Variants in PRDM15 observed in about 807,000 individuals in gnomAD.
PRDM15 encodes PR/SET domain 15.
A neutral mutation model predicts 128.6 loss-of-function variants in PRDM15; 64 were observed. The observed-to-expected ratio is 0.50, with a 90% CI of 0.41 to 0.61. The LOEUF is 0.61. Ranked by LOEUF, PRDM15 falls within the 20% of genes least tolerant of loss-of-function variation. The pLI, the probability that PRDM15 is intolerant of heterozygous loss-of-function variation, is 0.00. For missense variants in PRDM15, 1,242 were observed against 1,569.1 expected (o/e 0.79, Z 3.52); for synonymous variants, 615 against 621.8 (o/e 0.99, Z 0.16).
rs368796198 is a variant in PRDM15, at chr21:41,827,957, CA to C, written c.1534+208del. 5.3e-3 allele frequency among the ~76,000 whole-genome samples: 805 copies of C among 152,318 alleles called. 5 individuals are homozygous for C. The highest frequency in any genetic ancestry group is 0.034 in the Middle Eastern group (10 of 294). On this transcript the variant is annotated intron_variant, in intron 12 of 23. Coordinates refer to ENST00000398548, the MANE Select transcript of PRDM15 (RefSeq NM_001040424.3). ...TCCAGCTGTTTCTCCTTGCGCACAG[CA>C]GGTCTGACACCTGTGTCTCAGCAAC...
chr21:41,829,282 ACAC>A (rs1250778221), intron 11 of PRDM15, among the ~76,000 whole-genome samples: 3,190 of 151,030 alleles, frequency 0.021, 110 homozygotes, highest in African/African-American at 0.073. Flanking sequence ...CACATGCCCC[ACAC>A]AAATACACAA....
chr21:41,817,072 T>C (rs902826941), intron 18 of PRDM15, among the ~76,000 whole-genome samples: 1 of 152,176 alleles, frequency 6.6e-6, no homozygotes, highest in African/African-American at 2.4e-5. Context: ...ACAGCCAGCA[T>C]TGGTGACAGT....
intron 5 of PRDM15, among the ~76,000 whole-genome samples, chr21:41,853,242 T>C (rs1031571728): frequency 6.6e-6 from 1 of 152,222 alleles, no homozygotes. Context: ...CCAGGGGCAT[T>C]TTACAAAGCC....
Position 41,821,758 on chromosome 21 carries a change from G to A in PRDM15, c.1896+145C>T, listed in dbSNP as rs1372274169. On this transcript the variant is annotated intron_variant, in intron 15 of 23. Coordinates refer to ENST00000398548, the MANE Select transcript of PRDM15 (RefSeq NM_001040424.3). This position sits in a 1 kb window ranked among gnomAD's most constrained non-coding sequence, Gnocchi z 5.4. The stretch of plus-strand genomic sequence containing the variant: ...CAAGTGATGGACAGGCACCCAGTCT[G>A]CAGTAGGACCACTGGCCGGAGCCTT... 16 of 957,510 alleles carry A rather than the reference G, an allele frequency of 1.7e-5. 1 individual carries two copies. The highest frequency in any genetic ancestry group is 2.5e-5 in the Non-Finnish European group (16 of 630,596). 59.3% of individuals were successfully genotyped at this position (957,510 alleles called of 1,614,324 possible). A position where few individuals can be genotyped will look rare whatever the true frequency, so the allele number is the denominator to read the frequency against.
chr21:41,806,590 CCACCATTACTA>C (rs2061667468), intron 21 of PRDM15, among the ~76,000 whole-genome samples: 2 of 3,836 alleles, frequency 5.2e-4, no homozygotes, highest in Admixed American at 3.0e-3. Context: ...ATCACCACCA[CCACCATTACTA>C]CCACCACCAT....
chr21:41,817,438 G>C (rs1295967953), intron 18 of PRDM15, among the ~76,000 whole-genome samples: 2 of 152,142 alleles, frequency 1.3e-5, no homozygotes, highest in East Asian at 3.8e-4. Flanking sequence ...CTGGTGACAG[G>C]CTCTCACGAC....
At chr21:41,861,175 C>T (rs1370209528) in intron 1 of PRDM15, among the ~76,000 whole-genome samples, 2 of 152,132 alleles carry the variant, frequency 1.3e-5, no homozygotes, top group Non-Finnish European at 2.9e-5. Flanking sequence ...CTTTTTTTCC[C>T]CTCACTCCTA....
At chr21:41,830,086 C>T in intron 11 of PRDM15, among the ~76,000 whole-genome samples, 1 of 151,050 alleles carries the variant, frequency 6.6e-6, no homozygotes, top group African/African-American at 2.4e-5. Flanking sequence ...CACATACATA[C>T]TCAACATACA....
chr21:41,868,707 T>TTC (rs2064105947), intron 1 of PRDM15, among the ~76,000 whole-genome samples: 1 of 149,930 alleles, frequency 6.7e-6, no homozygotes. Context: ...TTTTTTTTTT[T>TTC]TTTGAGATGG....
intron 14 of PRDM15, among the ~76,000 whole-genome samples, chr21:41,822,489 G>A (rs893325358): frequency 1.3e-5 from 2 of 152,394 alleles, no homozygotes; most frequent in East Asian, 1.9e-4. Flanking sequence ...GCACCGGGCT[G>A]AGAAGCAGCC....
chr21:41,872,681 T>C (rs563864794), intron 1 of PRDM15, among the ~76,000 whole-genome samples: 1 of 152,202 alleles, frequency 6.6e-6, no homozygotes, highest in Non-Finnish European at 1.5e-5. Flanking sequence ...CAACATGCTG[T>C]GCACACATTT....
At chr21:41,861,895 G>A in intron 1 of PRDM15, 1 of 1,603,444 alleles carries the variant, frequency 6.2e-7, no homozygotes, top group Non-Finnish European at 8.5e-7. Context: ...TCCCAAAACA[G>A]CACTGTATCT....
At position 41,879,239 on chromosome 21, in the gene PRDM15, C is replaced by CGCACGCCG; in HGVS notation, c.-10+30_-10+31insCGGCGTGC. ...GGGGCCGGCGGGGCGCACGCCGGGG[C>CGCACGCCG]GGGCGGCGGGCGCAGGGCCCGGAGC... On this transcript the variant is annotated intron_variant, in intron 1 of 23. Transcript: ENST00000398548. The surrounding 1 kb of genome is among the most constrained non-coding windows in gnomAD (Gnocchi z 5.1). 1 of 860,176 alleles carries CGCACGCCG rather than the reference C, an allele frequency of 1.2e-6. No homozygotes were observed. Among genetic ancestry groups the CGCACGCCG allele is most frequent in the Non-Finnish European group, 1.4e-6 (1 of 715,422 alleles). The allele number at this position is 860,176 out of a possible 1,614,324, so 53.3% of individuals were successfully genotyped here. A position where few individuals can be genotyped will look rare whatever the true frequency, so the allele number is the denominator to read the frequency against.
At chr21:41,809,257 G>A (rs1171762045) in intron 21 of PRDM15, among the ~76,000 whole-genome samples, 3 of 146,494 alleles carry the variant, frequency 2.0e-5, no homozygotes. Context: ...TTTTGAGATG[G>A]AATCTCGTTC....
chr21:41,841,770 A>C (rs1311452803), intron 6 of PRDM15, among the ~76,000 whole-genome samples: 1 of 152,240 alleles, frequency 6.6e-6, no homozygotes, highest in Non-Finnish European at 1.5e-5. Flanking sequence ...TGTGTGCTTC[A>C]AATCTGTATC....
At chr21:41,830,372 CAT>C (rs1369643403) in intron 11 of PRDM15, among the ~76,000 whole-genome samples, 1 of 148,414 alleles carries the variant, frequency 6.7e-6, no homozygotes, top group Non-Finnish European at 1.5e-5. Flanking sequence ...CATACAAACA[CAT>C]ACGCTCAGCA....
rs116665867 is a variant in PRDM15, at chr21:41,869,420, C to T, written c.-9-9048G>A. Among the ~76,000 whole-genome samples, 273 of 151,344 alleles carry T rather than the reference C, an allele frequency of 1.8e-3. 1 individual carries two copies. Among genetic ancestry groups the T allele is most frequent in the African/African-American group, 6.3e-3 (262 of 41,318 alleles). On this transcript the variant is annotated intron_variant, in intron 1 of 23. Transcript: ENST00000398548. Reference sequence around the variant, plus strand: ...CTCAGCCTTCCGAGTTGTTAGACTACAGGCACACATCACCGGCTATTTTTT... The same window carrying T: ...CTCAGCCTTCCGAGTTGTTAGACTATAGGCACACATCACCGGCTATTTTTT...
At position 41,822,474 on chromosome 21, in the gene PRDM15, T is replaced by C. The variant is rs535054282; in HGVS notation, c.1762-437A>G. Among the ~76,000 whole-genome samples the C allele has an allele frequency of 1.2e-4, 18 of 152,350 alleles. No individual in the cohort carries two copies. In the South Asian group the frequency reaches 3.7e-3, roughly 32 times the overall value. ...CCTCAAAGGTGGGGAGGGACACAGA[T>C]GCCAGCACCGGGCTGAGAAGCAGCC... On this transcript the variant is annotated intron_variant, in intron 14 of 23. Coordinates refer to ENST00000398548, the MANE Select transcript of PRDM15 (RefSeq NM_001040424.3).
chr21:41,828,840 T>C lies in PRDM15; in HGVS notation c.1367-507A>G, dbSNP rs1418397149. On this transcript the variant is annotated intron_variant, in intron 11 of 23. Transcript: ENST00000398548. This position sits in a 1 kb window ranked among gnomAD's most constrained non-coding sequence, Gnocchi z 5.7. ...CCAACTCCTTCCCCGTGGGCGGGCA[T>C]CAATGTGCCCATATTCCCCCCTTCA... Among the ~76,000 whole-genome samples the C allele has an allele frequency of 6.6e-6, 1 of 151,906 alleles. No individual in the cohort carries two copies.
Sources: allele counts gnomAD v4.1 joint callset (sites outside exome capture counted in the v4.1 genomes callset), GRCh38; gene constraint gnomAD v4.1.1; non-coding constraint Gnocchi (gnomAD v3.1); transcripts MANE v1.5; gene names NCBI Gene and HGNC (gene_info 2026-07-23, HGNC 2026-07-21).